LGSN: variants seen among roughly 807,000 people sequenced by gnomAD.
LGSN encodes the protein lengsin, lens protein with glutamine synthetase domain.
Under a neutral mutation model 19.5 loss-of-function variants are expected in LGSN, and 21 were observed. The observed-to-expected ratio is 1.07, with a 90% CI of 0.76 to 1.55. The LOEUF (loss-of-function observed/expected upper bound fraction) is 1.55, where lower values mean the gene tolerates loss of function less well. LGSN is among the 40% of genes most tolerant of loss of function. The pLI, the probability that LGSN is intolerant of heterozygous loss-of-function variation, is 0.00. For missense variants in LGSN, 673 were observed against 608.5 expected (o/e 1.11, Z -1.12); for synonymous variants, 257 against 215.6 (o/e 1.19, Z -1.68).
chr6:63,479,466 T>A, the LGSN span, among the ~76,000 whole-genome samples: 3 of 151,822 alleles, frequency 2.0e-5, no homozygotes, highest in Non-Finnish European at 4.4e-5. Context: ...AAGGCTGGGC[T>A]CAGTGGGTCA....
the LGSN span, among the ~76,000 whole-genome samples, chr6:63,344,098 G>T: frequency 6.6e-6 from 1 of 152,128 alleles, no homozygotes; most frequent in South Asian, 2.1e-4. Flanking sequence ...CAAAACATTG[G>T]TTTTGGCCTT....
At chr6:63,534,452 A>C in the LGSN span, among the ~76,000 whole-genome samples, 1 of 144,508 alleles carries the variant, frequency 6.9e-6, no homozygotes, top group Non-Finnish European at 1.5e-5. Context: ...CACACAGAGA[A>C]ACACACACAC....
the LGSN span, among the ~76,000 whole-genome samples, chr6:63,530,316 C>G: frequency 6.6e-6 from 1 of 152,154 alleles, no homozygotes; most frequent in African/African-American, 2.4e-5. Flanking sequence ...CAGCTACAGA[C>G]AAAGCCAGCC....
upstream of LGSN, among the ~76,000 whole-genome samples, chr6:63,324,328 T>C (rs918126064): frequency 6.6e-6 from 1 of 152,206 alleles, no homozygotes; most frequent in South Asian, 2.1e-4. Context: ...TAAAGACATA[T>C]CACATAGTTT....
At chr6:63,557,187 C>T in the LGSN span, among the ~76,000 whole-genome samples, 1 of 152,102 alleles carries the variant, frequency 6.6e-6, no homozygotes, top group Non-Finnish European at 1.5e-5. Flanking sequence ...ATGAATGCTG[C>T]AATAGAGGTA....
At chr6:63,321,580 T>C (rs1769085021), upstream of LGSN, among the ~76,000 whole-genome samples, 1 of 152,160 alleles carries the variant, frequency 6.6e-6, no homozygotes, top group African/African-American at 2.4e-5. Flanking sequence ...ATAATATCCT[T>C]TCCTGAACCT....
the LGSN span, among the ~76,000 whole-genome samples, chr6:63,436,237 A>G: frequency 1.3e-5 from 2 of 152,090 alleles, no homozygotes; most frequent in South Asian, 2.1e-4. Context: ...TCTCTCTACT[A>G]AACTGTAAAC....
the LGSN span, among the ~76,000 whole-genome samples, chr6:63,405,820 G>C: frequency 6.6e-6 from 1 of 152,136 alleles, no homozygotes; most frequent in East Asian, 1.9e-4. Context: ...CAAAATAAAA[G>C]GAGGGAGGAA....
At chr6:63,339,556 A>T in the LGSN span, among the ~76,000 whole-genome samples, 1 of 152,044 alleles carries the variant, frequency 6.6e-6, no homozygotes, top group East Asian at 1.9e-4. Context: ...CTTTCAGTGT[A>T]TGTGTGTCTT....
chr6:63,404,082 A>G, the LGSN span, among the ~76,000 whole-genome samples: 1 of 152,136 alleles, frequency 6.6e-6, no homozygotes, highest in East Asian at 1.9e-4. Context: ...TATTTCCCTG[A>G]TGAGAATCCA....
chr6:63,499,154 T>G, the LGSN span, among the ~76,000 whole-genome samples: 1 of 152,156 alleles, frequency 6.6e-6, no homozygotes, highest in Admixed American at 6.5e-5. Flanking sequence ...GTTAGTGACC[T>G]GTTTAAGCCT....
chr6:63,310,796 T>C (rs1208177193), intron 1 of LGSN, among the ~76,000 whole-genome samples: 1 of 152,174 alleles, frequency 6.6e-6, no homozygotes, highest in Non-Finnish European at 1.5e-5. Context: ...GTAAACTGGA[T>C]GCTTATGATC....
At chr6:63,553,603 T>C in the LGSN span, among the ~76,000 whole-genome samples, 1 of 152,246 alleles carries the variant, frequency 6.6e-6, no homozygotes, top group South Asian at 2.1e-4. Context: ...TAGATCTTGA[T>C]GTTCTAACTA....
At chr6:63,512,105 CAA>C in the LGSN span, among the ~76,000 whole-genome samples, 8 of 150,562 alleles carry the variant, frequency 5.3e-5, no homozygotes, top group African/African-American at 1.5e-4. Context: ...CTTTTTGAGA[CAA>C]AGTCTTGCTC....
chr6:63,334,887 T>C, the LGSN span, among the ~76,000 whole-genome samples: 5,482 of 151,890 alleles, frequency 0.036, 337 homozygotes, highest in African/African-American at 0.13. Flanking sequence ...ATCTGTAATC[T>C]CAGCACTTTG....
chr6:63,483,270 G>A, the LGSN span, among the ~76,000 whole-genome samples: 1 of 152,110 alleles, frequency 6.6e-6, no homozygotes, highest in Admixed American at 6.6e-5. Context: ...TTAGCATGCT[G>A]GCTTGTGTCT....
the LGSN span, among the ~76,000 whole-genome samples, chr6:63,465,516 T>G: frequency 6.6e-6 from 1 of 152,108 alleles, no homozygotes; most frequent in Non-Finnish European, 1.5e-5. Context: ...TTCAGTGACA[T>G]CATTTTAGTA....
chr6:63,408,265 C>T, the LGSN span, among the ~76,000 whole-genome samples: 38 of 151,450 alleles, frequency 2.5e-4, no homozygotes, highest in African/African-American at 8.1e-4. Flanking sequence ...CATAACACTA[C>T]CTGACTTCAA....
the LGSN span, among the ~76,000 whole-genome samples, chr6:63,433,287 C>G: frequency 1.3e-5 from 2 of 152,200 alleles, no homozygotes; most frequent in African/African-American, 4.8e-5. Context: ...TACTTAGCAA[C>G]AGACAATATC....
Sources: allele counts gnomAD v4.1 joint callset (sites outside exome capture counted in the v4.1 genomes callset), GRCh38; gene constraint gnomAD v4.1.1; transcripts MANE v1.5; gene names NCBI Gene and HGNC (gene_info 2026-07-23, HGNC 2026-07-21).